SENP7: variants seen among roughly 807,000 people sequenced by gnomAD.
The protein encoded by SENP7 is sentrin-specific protease 7.
Under a neutral mutation model 141.2 loss-of-function variants are expected in SENP7, and 64 were observed. That is an observed-to-expected ratio of 0.45 (90% CI 0.37 to 0.56). SENP7 has a LOEUF of 0.56. Ranked by LOEUF, SENP7 falls within the 20% of genes least tolerant of loss-of-function variation. SENP7 has a pLI of 0.00. For missense variants in SENP7, 1,025 were observed against 1,212.2 expected (o/e 0.85, Z 2.29); for synonymous variants, 382 against 426.4 (o/e 0.90, Z 1.28).
chr3:101,358,141 A>C, intron 11 of SENP7: 2 of 523,094 alleles, frequency 3.8e-6, no homozygotes, highest in Non-Finnish European at 6.7e-6. Context: ...CCTACTAAAC[A>C]TAAGATAATT....
At chr3:101,496,421 A>G (rs75691106) in intron 2 of SENP7, among the ~76,000 whole-genome samples, 21,029 of 151,808 alleles carry the variant, frequency 0.14, 1,481 homozygotes, top group South Asian at 0.18. Flanking sequence ...ATATCTGACT[A>G]ATTTTTTTAT....
intron 10 of SENP7, chr3:101,363,152 C>T: frequency 1.1e-6 from 1 of 939,182 alleles, no homozygotes; most frequent in South Asian, 4.9e-5. Context: ...ATTTCTTTGT[C>T]ATTCTCATGT....
chr3:101,415,590 G>A (rs1303198279), intron 5 of SENP7, among the ~76,000 whole-genome samples: 2 of 152,294 alleles, frequency 1.3e-5, no homozygotes, highest in East Asian at 3.9e-4. Flanking sequence ...CCTAAACCTA[G>A]CATTACATAC....
intron 4 of SENP7, among the ~76,000 whole-genome samples, chr3:101,447,656 T>A (rs1054102677): frequency 2.6e-5 from 4 of 152,114 alleles, no homozygotes; most frequent in African/African-American, 9.7e-5. Context: ...ATGGCAATAT[T>A]CCCCAATTTA....
chr3:101,330,473 T>C, intron 19 of SENP7, 87 bp from the exon 20 acceptor site: 1 of 794,212 alleles, frequency 1.3e-6, no homozygotes. Context: ...ATAATTTTTA[T>C]GCAGTTACTG....
intron 4 of SENP7, among the ~76,000 whole-genome samples, chr3:101,430,535 C>A (rs1337975357): frequency 6.6e-6 from 1 of 151,954 alleles, no homozygotes; most frequent in African/African-American, 2.4e-5. Flanking sequence ...GTGGTGATAT[C>A]CCCTTTATCA....
intron 5 of SENP7, among the ~76,000 whole-genome samples, chr3:101,411,152 C>T (rs2107629865): frequency 6.6e-6 from 1 of 152,240 alleles, no homozygotes; most frequent in South Asian, 2.1e-4. Flanking sequence ...ATCTCCCTTA[C>T]AAAGTTGTTA....
chr3:101,359,661 T>C (rs1459450252), intron 11 of SENP7, among the ~76,000 whole-genome samples: 2 of 151,754 alleles, frequency 1.3e-5, no homozygotes, highest in East Asian at 1.9e-4. Flanking sequence ...CCAAAATAAG[T>C]AGAGGAATTA....
intron 17 of SENP7, among the ~76,000 whole-genome samples, chr3:101,334,959 T>G (rs2059146397): frequency 6.6e-6 from 1 of 152,196 alleles, no homozygotes; most frequent in Non-Finnish European, 1.5e-5. Flanking sequence ...TCATCTCATA[T>G]TTTGAGTTCC....
intron 6 of SENP7, among the ~76,000 whole-genome samples, chr3:101,395,688 T>C (rs2060947386): frequency 6.6e-6 from 1 of 152,200 alleles, no homozygotes; most frequent in Non-Finnish European, 1.5e-5. Flanking sequence ...GAACTAAAGC[T>C]TGGTTTAAGG....
chr3:101,422,397 G>A (rs1003582101), intron 4 of SENP7, among the ~76,000 whole-genome samples: 3 of 152,100 alleles, frequency 2.0e-5, no homozygotes, highest in Admixed American at 2.0e-4. Flanking sequence ...TACCTCAGTG[G>A]TGGTTAAAAT....
chr3:101,409,856 C>G (rs948755298), intron 5 of SENP7, among the ~76,000 whole-genome samples: 8 of 152,102 alleles, frequency 5.3e-5, no homozygotes, highest in Non-Finnish European at 7.4e-5. Flanking sequence ...TTGGAAAAAC[C>G]CTTCTAGACA....
At chr3:101,480,166 A>G (rs1042880744) in intron 3 of SENP7, among the ~76,000 whole-genome samples, 2 of 152,170 alleles carry the variant, frequency 1.3e-5, no homozygotes, top group Non-Finnish European at 2.9e-5. Context: ...TAGCAATGAA[A>G]GATAATAAAC....
At chr3:101,475,209 A>G (rs931541199) in intron 3 of SENP7, among the ~76,000 whole-genome samples, 6 of 152,208 alleles carry the variant, frequency 3.9e-5, no homozygotes, top group African/African-American at 1.4e-4. Flanking sequence ...CTGGGTATAC[A>G]CCCAAAGGAA....
intron 7 of SENP7, among the ~76,000 whole-genome samples, chr3:101,368,292 C>T (rs571264935): frequency 6.6e-6 from 1 of 151,186 alleles, no homozygotes; most frequent in Non-Finnish European, 1.5e-5. Flanking sequence ...GCAAAGCCAC[C>T]AAACTGTTTT....
intron 4 of SENP7, among the ~76,000 whole-genome samples, chr3:101,423,259 C>T (rs951812924): frequency 7.9e-5 from 12 of 151,976 alleles, no homozygotes; most frequent in African/African-American, 2.7e-4. Flanking sequence ...CAACAGATAT[C>T]CTAGAGAAGA....
At chr3:101,473,134 T>C (rs944795965) in intron 3 of SENP7, among the ~76,000 whole-genome samples, 2 of 152,256 alleles carry the variant, frequency 1.3e-5, no homozygotes, top group African/African-American at 4.8e-5. Flanking sequence ...CAGTAAAACA[T>C]TACTGGGCAT....
At chr3:101,331,222 A>G (rs579510) in intron 19 of SENP7, among the ~76,000 whole-genome samples, 151,663 of 152,234 alleles carry the variant, frequency 1, 75,548 homozygotes, top group East Asian at 1. Context: ...GCTCATGCCT[A>G]TAATCCCAAT....
At chr3:101,371,770 C>T (rs998121495) in intron 7 of SENP7, among the ~76,000 whole-genome samples, 10 of 151,846 alleles carry the variant, frequency 6.6e-5, no homozygotes, top group Non-Finnish European at 1.5e-4. Context: ...TCCAAGTCTC[C>T]CCAAAGAAGA....
Sources: allele counts gnomAD v4.1 joint callset (sites outside exome capture counted in the v4.1 genomes callset), GRCh38; gene constraint gnomAD v4.1.1; transcripts MANE v1.5; gene names NCBI Gene and HGNC (gene_info 2026-07-23, HGNC 2026-07-21).